The following ADGB variants were observed in gnomAD, a reference collection of about 807,000 sequenced individuals.
ADGB encodes the protein calpain-7-like protein.
In ADGB, 172 loss-of-function variants were observed where a neutral mutation model predicts 210.5. That is an observed-to-expected ratio of 0.82 (90% CI 0.72 to 0.93). The LOEUF (loss-of-function observed/expected upper bound fraction) is 0.93. Among genes scored for constraint, ADGB ranks in the 40% least tolerant of loss-of-function variants. The pLI is 0.00. For synonymous variants in ADGB, 658 were observed against 662.7 expected (o/e 0.99, Z 0.11); for missense variants, 2,025 against 1,964.8 (o/e 1.03, Z -0.58).
intron 18 of ADGB, 130 bp from the exon 19 acceptor site, chr6:146,725,953 T>G: frequency 1.8e-6 from 1 of 559,020 alleles, no homozygotes; most frequent in Middle Eastern, 4.9e-4. Context: ...TTATCTCATC[T>G]GTGTTAAAAA....
At chr6:146,727,494 A>G (rs1776913676) in intron 19 of ADGB, among the ~76,000 whole-genome samples, 3 of 152,200 alleles carry the variant, frequency 2.0e-5, no homozygotes, top group Non-Finnish European at 4.4e-5. Flanking sequence ...TTTTAAGAAA[A>G]TAATTCTGCT....
At chr6:146,792,685 G>A (rs908446189) in intron 33 of ADGB, among the ~76,000 whole-genome samples, 1 of 151,984 alleles carries the variant, frequency 6.6e-6, no homozygotes, top group Non-Finnish European at 1.5e-5. Flanking sequence ...AGTCTACGTA[G>A]TTGTGAACGG....
At chr6:146,805,633 C>T (rs1338275506) in intron 35 of ADGB, among the ~76,000 whole-genome samples, 1 of 152,150 alleles carries the variant, frequency 6.6e-6, no homozygotes, top group Admixed American at 6.5e-5. Context: ...TTTCCACTAA[C>T]AGCAAGGCAT....
chr6:146,721,088 G>A (rs902851837), intron 16 of ADGB, among the ~76,000 whole-genome samples: 2 of 152,068 alleles, frequency 1.3e-5, no homozygotes, highest in African/African-American at 4.8e-5. Context: ...TCTGCCCTGG[G>A]CTCGGCCTCT....
At chr6:146,768,314 C>G (rs142754347) in intron 28 of ADGB, among the ~76,000 whole-genome samples, 21 of 152,120 alleles carry the variant, frequency 1.4e-4, no homozygotes, top group African/African-American at 5.1e-4. Flanking sequence ...GAAAAAAGAG[C>G]AAAGTGTGTC....
chr6:146,638,529 T>G (rs1443797984), intron 2 of ADGB, among the ~76,000 whole-genome samples: 1 of 133,990 alleles, frequency 7.5e-6, no homozygotes, highest in African/African-American at 2.9e-5. Context: ...CCACATGTTC[T>G]CACTCATAGG....
chr6:146,647,098 C>CA (rs1324247046), intron 3 of ADGB, among the ~76,000 whole-genome samples: 1 of 126,448 alleles, frequency 7.9e-6, no homozygotes, highest in Non-Finnish European at 1.7e-5. Flanking sequence ...CAAAAAAAAA[C>CA]AAAAAACAAA....
intron 5 of ADGB, 59 bp downstream of exon 5, chr6:146,657,039 T>C: frequency 2.8e-6 from 4 of 1,426,278 alleles, no homozygotes; most frequent in Non-Finnish European, 2.9e-6. Context: ...AATATACTTG[T>C]CCTGGCATGG....
At chr6:146,634,814 A>G (rs748554019) in intron 1 of ADGB, among the ~76,000 whole-genome samples, 82 of 151,970 alleles carry the variant, frequency 5.4e-4, no homozygotes, top group Non-Finnish European at 6.9e-4. Flanking sequence ...TTAAAAATCG[A>G]CCACCCCCCC....
At chr6:146,745,138 T>C (rs950517634) in intron 25 of ADGB, among the ~76,000 whole-genome samples, 2 of 152,190 alleles carry the variant, frequency 1.3e-5, no homozygotes, top group Admixed American at 1.3e-4. Context: ...CTTATATATA[T>C]CTAATTTTTA....
At chr6:146,700,693 C>T (rs951295761) in intron 12 of ADGB, among the ~76,000 whole-genome samples, 1 of 152,070 alleles carries the variant, frequency 6.6e-6, no homozygotes, top group African/African-American at 2.4e-5. Context: ...ACCACCAAAG[C>T]TTTGAAACAA....
chr6:146,613,822 A>T (rs1780746051), intron 1 of ADGB, among the ~76,000 whole-genome samples: 1 of 152,080 alleles, frequency 6.6e-6, no homozygotes, highest in South Asian at 2.1e-4. Context: ...TTTGCAAAGT[A>T]TGAAATTAAG....
Position 146,801,898 on chromosome 6 carries a change from G to A in ADGB, c.4705G>A (p.Glu1569Lys), listed in dbSNP as rs1309601440. The change falls in exon 35 of 36, where the codon GAA (glutamate) becomes AAA (lysine). Residue 1569 changes from glutamate to lysine, a missense_variant. Transcript: ENST00000397944. Reference protein sequence around the residue: ...NQQQAMQKAEEIHQFRQHRTR... With the variant: ...NQQQAMQKAEKIHQFRQHRTR... ...GCAGCAGGCAATGCAAAAGGCGGAA[G>A]AAATTCATCAGTTTCGACAGCATAG... is the stretch of plus-strand genomic sequence containing the variant. The A allele has an allele frequency of 1.9e-6, 3 of 1,551,262 alleles. No homozygotes were observed. Among genetic ancestry groups the A allele is most frequent in the Non-Finnish European group, 2.6e-6 (3 of 1,146,784 alleles).
intron 9 of ADGB, among the ~76,000 whole-genome samples, chr6:146,682,625 A>C (rs1409289879): frequency 6.6e-6 from 1 of 152,168 alleles, no homozygotes; most frequent in Non-Finnish European, 1.5e-5. Flanking sequence ...AGTTCACTGA[A>C]AGAAATTATA....
intron 23 of ADGB, among the ~76,000 whole-genome samples, chr6:146,738,933 G>T (rs1236591802): frequency 6.6e-6 from 1 of 152,024 alleles, no homozygotes; most frequent in African/African-American, 2.4e-5. Context: ...CCCCTATGAG[G>T]GCATCGTATC....
Position 146,745,949 on chromosome 6 carries a change from T to C in ADGB, c.3205T>C (p.Phe1069Leu). ...KKGYTFVAEA[F>L]TGDTYVAASR... Reference sequence around the variant, plus strand: ...GGGATACACTTTTGTGGCGGAAGCATTTACAGGCGACACATATGTAGCAGC... The same window carrying C: ...GGGATACACTTTTGTGGCGGAAGCACTTACAGGCGACACATATGTAGCAGC... The change falls in exon 26 of 36, where the codon TTT becomes CTT. Residue 1069 changes from phenylalanine to leucine, a missense_variant. Coordinates refer to ENST00000397944, the MANE Select transcript of ADGB (RefSeq NM_024694.4). 6.5e-7 allele frequency: 1 copy of C among 1,549,428 alleles called. No individual in the cohort carries two copies. Among genetic ancestry groups the C allele is most frequent in the Non-Finnish European group, 8.7e-7 (1 of 1,146,072 alleles).
In ADGB at chr6:146,717,051, AT is replaced by A; in HGVS notation, c.1913del (p.Phe638SerfsTer39). 1 of 1,551,232 alleles carries A rather than the reference AT, an allele frequency of 6.4e-7. No individual in the cohort carries two copies. The highest frequency in any genetic ancestry group is 1.2e-5 in the South Asian group (1 of 84,028). On this transcript the variant is annotated frameshift_variant, in exon 15 of 36. Coordinates refer to ENST00000397944, the MANE Select transcript of ADGB (RefSeq NM_024694.4). LOFTEE classifies it high-confidence loss of function. ...AAAGAAATATGGTTAGATTTTGAAG[AT>A]TTCTGTGTATGCTTTCAGTAAGTAT... Reference protein sequence around the residue: ...VSKEIWLDFEDFCVCFQNIYI... With the variant: ...VSKEIWLDFEXFCVCFQNIYI...
chr6:146,700,655 C>A (rs1318723986), intron 12 of ADGB, among the ~76,000 whole-genome samples: 1 of 152,082 alleles, frequency 6.6e-6, no homozygotes, highest in Non-Finnish European at 1.5e-5. Flanking sequence ...TATCAAATTT[C>A]TGTTTTGATC....
At chr6:146,707,380 G>A (rs1176175034) in intron 13 of ADGB, among the ~76,000 whole-genome samples, 1 of 152,054 alleles carries the variant, frequency 6.6e-6, no homozygotes, top group Admixed American at 6.6e-5. Flanking sequence ...TAAGTCTGAT[G>A]TTTTCTTTTG....
Sources: gnomAD v4.1 joint callset for allele counts (sites outside exome capture counted in the v4.1 genomes callset) on GRCh38, gnomAD v4.1.1 for gene constraint, MANE v1.5 for transcripts, NCBI Gene and HGNC (gene_info 2026-07-23, HGNC 2026-07-21) for gene names.